The following IGHMBP2 variants were observed in gnomAD, a reference collection of about 807,000 sequenced individuals.
The protein encoded by IGHMBP2 is DNA-binding protein SMUBP-2.
IGHMBP2 carries 81 observed loss-of-function variants against 96.0 expected under a neutral mutation model. That is an observed-to-expected ratio of 0.84 (90% CI 0.71 to 1.01). IGHMBP2 has a LOEUF of 1.01. Ranked by LOEUF, IGHMBP2 falls within the 50% of genes least tolerant of loss-of-function variation. The pLI is 0.00. For missense variants in IGHMBP2, 1,227 were observed against 1,306.3 expected, an observed-to-expected ratio of 0.94 and a Z score of 0.94; for synonymous variants, 557 against 548.9, an observed-to-expected ratio of 1.01 and a Z score of -0.21.
rs146217031 is a variant in IGHMBP2 at position 68,908,164 on chromosome 11, C to T, written c.276C>T (p.Tyr92=). Residue 92 remains tyrosine (Y), a synonymous_variant, in exon 3 of 15, where the codon TAC becomes TAT. Transcript: ENST00000255078. ...SFTSGDIVGL[Y]DAANEGSQLA... The stretch of plus-strand genomic sequence containing the variant: ...TTGCAGGTGATATCGTGGGCCTGTA[C>T]GATGCTGCTAATGAGGGCAGTCAGC... The T allele has an allele frequency of 2.0e-4, 322 of 1,613,920 alleles. No individual in the cohort carries two copies. In the African/African-American group the frequency reaches 3.4e-3, roughly 17 times the overall value.
At chr11:68,914,782 A>G (rs763186454) in intron 5 of IGHMBP2, 41 bp from the exon 6 acceptor site, 5 of 1,608,310 alleles carry the variant, frequency 3.1e-6, no homozygotes, top group Non-Finnish European at 2.6e-6. Context: ...CAGTGGTTTG[A>G]TTACAAAGTA....
At chr11:68,933,983 C>A in intron 10 of IGHMBP2, 70 bp downstream of exon 10, 1 of 1,067,120 alleles carries the variant, frequency 9.4e-7, no homozygotes, top group Non-Finnish European at 1.4e-6. Context: ...ATAAAAGGCA[C>A]TTTAATTGCC....
chr11:68,918,476 T>C (rs757593505), intron 7 of IGHMBP2, among the ~76,000 whole-genome samples: 13 of 151,952 alleles, frequency 8.6e-5, no homozygotes, highest in Non-Finnish European at 1.8e-4. Flanking sequence ...ACCCCATCTC[T>C]ACTAAAAATA....
At chr11:68,925,640 G>T (rs555412622) in intron 7 of IGHMBP2, among the ~76,000 whole-genome samples, 1 of 152,270 alleles carries the variant, frequency 6.6e-6, no homozygotes, top group African/African-American at 2.4e-5. Flanking sequence ...TTGAAGGGCA[G>T]GTTTGCTGTG....
At position 68,936,639 on chromosome 11, in the gene IGHMBP2, T is replaced by G; in HGVS notation, c.2159T>G (p.Val720Gly). 6.2e-7 allele frequency: 1 copy of G among 1,613,172 alleles called. No individual in the cohort carries two copies. The highest frequency in any genetic ancestry group is 1.1e-5 in the South Asian group (1 of 91,030). ...PSLNGGSPEG[V>G]ESQDGVDHFR... ...CTCAACGGAGGCAGCCCAGAGGGAGTGGAGAGCCAAGATGGCGTGGACCAC... is the reference window on the plus strand; with the variant it reads ...CTCAACGGAGGCAGCCCAGAGGGAGGGGAGAGCCAAGATGGCGTGGACCAC... Residue 720 changes from valine (V) to glycine (G), a missense_variant, in exon 13 of 15, where the codon GTG becomes GGG. Coordinates refer to ENST00000255078, the MANE Select transcript of IGHMBP2 (RefSeq NM_002180.3).
Position 68,936,596 on chromosome 11 carries a change from GCTCCATCTC to G in IGHMBP2, c.2117_2125del (p.Ala706_Gln709delinsGlu). The G allele has an allele frequency of 6.2e-7, 1 of 1,612,946 alleles. No individual in the cohort carries two copies. Among genetic ancestry groups the G allele is most frequent in the Non-Finnish European group, 8.5e-7 (1 of 1,179,402 alleles). ...GGCTGGGAAGTCTCTGGCCTCTGAAGCTCCATCTCAGCCCAGCCTCAACGGAGGCAGCCC... is the reference window on the plus strand; with the variant it reads ...GGCTGGGAAGTCTCTGGCCTCTGAAGAGCCCAGCCTCAACGGAGGCAGCCC... On this transcript the variant is annotated inframe_deletion, in exon 13 of 15. Transcript: ENST00000255078.
rs533226422 is a variant in IGHMBP2 at position 68,939,783 on chromosome 11, C to T, written c.*52C>T. ...GAGCTCTCTCCATGGTAGCCCAGGG[C>T]GCTGGCAGACCATGCTCCGCCTCCA... On this transcript the variant is annotated 3_prime_UTR_variant, in exon 15 of 15. Transcript: ENST00000255078. 37 of 1,535,966 alleles carry T rather than the reference C, an allele frequency of 2.4e-5. 1 individual carries two copies. Among genetic ancestry groups the T allele is most frequent in the African/African-American group, 2.3e-4 (17 of 73,820 alleles).
chr11:68,911,535 C>G lies in IGHMBP2; in HGVS notation c.643C>G (p.Pro215Ala), dbSNP rs1364362474. 1 of 1,614,106 alleles carries G rather than the reference C, an allele frequency of 6.2e-7. No individual in the cohort carries two copies. The highest frequency in any genetic ancestry group is 1.3e-5 in the African/African-American group (1 of 75,066). The change falls in exon 5 of 15, where the codon CCT (proline) becomes GCT (alanine). Residue 215 changes from proline (P) to alanine (A), a missense_variant. This residue lies in a region of IGHMBP2 where 507 missense variants were observed against 496.9 expected (regional missense o/e 1.02). Coordinates refer to ENST00000255078, the MANE Select transcript of IGHMBP2 (RefSeq NM_002180.3). ...SQKELAIIHG[P>A]PGTGKTTTVV... ...GAAAGAACTTGCCATCATCCATGGACCTCCTGGCACTGGGAAAACCACGAC... is the reference window on the plus strand; with the variant it reads ...GAAAGAACTTGCCATCATCCATGGAGCTCCTGGCACTGGGAAAACCACGAC...
Position 68,906,148 on chromosome 11 carries a change from C to A in IGHMBP2, c.166C>A (p.Arg56Ser), listed in dbSNP as rs201649839. The change falls in exon 2 of 15, where the codon CGC becomes AGC. Residue 56 changes from arginine (R) to serine (S), a missense_variant. Transcript: ENST00000255078. Reference sequence around the variant, plus strand: ...GCTGAAGCTGCAGGTATCCAGCCAGCGCACTGGGCTGTACGGACGGCTGCT... The same window carrying A: ...GCTGAAGCTGCAGGTATCCAGCCAGAGCACTGGGCTGTACGGACGGCTGCT... ...CLLKLQVSSQ[R>S]TGLYGRLLVT... The A allele has an allele frequency of 2.5e-6, 4 of 1,614,104 alleles. No homozygotes were observed. The highest frequency in any genetic ancestry group is 3.3e-5 in the Admixed American group (2 of 60,016).
intron 14 of IGHMBP2, among the ~76,000 whole-genome samples, chr11:68,938,844 G>A (rs1859648397): frequency 6.6e-6 from 1 of 152,156 alleles, no homozygotes; most frequent in African/African-American, 2.4e-5. Flanking sequence ...GGGGGACCTG[G>A]GTAAGAGACC....
At chr11:68,918,307 T>A (rs971798711) in intron 7 of IGHMBP2, among the ~76,000 whole-genome samples, 9 of 151,972 alleles carry the variant, frequency 5.9e-5, no homozygotes, top group Middle Eastern at 3.4e-3. Context: ...GTTTTTTTTT[T>A]TAAATTTAGA....
Position 68,929,207 on chromosome 11 carries a change from A to G in IGHMBP2, c.1085A>G (p.Lys362Arg). Residue 362 changes from lysine to arginine, a missense_variant, in exon 8 of 15, where the codon AAG (lysine) becomes AGG (arginine). Transcript: ENST00000255078. ...GGTGCGTCTGCCGATGGCCCCCTGA[A>G]GTTGCTGCCCGAGAGCTACTTCGAC... ...NTGASADGPL[K>R]LLPESYFDVV... is the part of the protein sequence containing the mutation. The G allele has an allele frequency of 1.2e-6, 2 of 1,613,398 alleles. No individual in the cohort carries two copies. Among genetic ancestry groups the G allele is most frequent in the Non-Finnish European group, 1.7e-6 (2 of 1,180,010 alleles).
intron 9 of IGHMBP2, 152 bp from the exon 10 acceptor site, chr11:68,933,641 GGT>G (rs1480813006): frequency 9.5e-7 from 1 of 1,047,750 alleles, no homozygotes; most frequent in African/African-American, 1.6e-5. Flanking sequence ...TGGAGAGCTG[GGT>G]CAGGCCCGCT....
intron 5 of IGHMBP2, among the ~76,000 whole-genome samples, chr11:68,914,488 T>C (rs1416714205): frequency 6.6e-6 from 1 of 152,178 alleles, no homozygotes; most frequent in African/African-American, 2.4e-5. Flanking sequence ...GGCTCTGACC[T>C]CATGGCAGTG....
intron 7 of IGHMBP2, among the ~76,000 whole-genome samples, chr11:68,921,599 G>A (rs556542953): frequency 1.8e-4 from 28 of 152,080 alleles, no homozygotes; most frequent in Admixed American, 7.2e-4. Flanking sequence ...TTTCTTATAC[G>A]CATATTCTAA....
intron 7 of IGHMBP2, among the ~76,000 whole-genome samples, chr11:68,921,311 C>G (rs1858868504): frequency 6.6e-6 from 1 of 152,056 alleles, no homozygotes; most frequent in South Asian, 2.1e-4. Flanking sequence ...TTTGCCCAGG[C>G]TGGTCTCGAA....
intron 7 of IGHMBP2, among the ~76,000 whole-genome samples, chr11:68,921,739 G>A (rs1416187596): frequency 2.6e-5 from 4 of 152,110 alleles, no homozygotes; most frequent in African/African-American, 7.2e-5. Flanking sequence ...GGTTTAGGTC[G>A]TGTATTTCCA....
intron 1 of IGHMBP2, among the ~76,000 whole-genome samples, chr11:68,904,289 G>A (rs769520619): frequency 2.7e-4 from 41 of 152,104 alleles, no homozygotes; most frequent in Non-Finnish European, 4.9e-4. Flanking sequence ...CCCCCACTAA[G>A]CTTACACTCC....
chr11:68,915,125 C>A, intron 6 of IGHMBP2, 102 bp downstream of exon 6: 1 of 708,672 alleles, frequency 1.4e-6, no homozygotes, highest in Non-Finnish European at 2.3e-6. Context: ...CCTTCTCTTG[C>A]TTCTGTCGAT....
Sources: gnomAD v4.1 joint callset for allele counts (sites outside exome capture counted in the v4.1 genomes callset) on GRCh38, gnomAD v4.1.1 for gene constraint, gnomAD v4.1.1 regional missense constraint, MANE v1.5 for transcripts, NCBI Gene and HGNC (gene_info 2026-07-23, HGNC 2026-07-21) for gene names.